Variants in PKD2L1 observed in about 807,000 individuals in gnomAD.
The protein encoded by PKD2L1 is polycystin 2 like 1, transient receptor potential cation channel, also known as polycystin-2-like protein 1.
A neutral mutation model predicts 93.0 loss-of-function variants in PKD2L1; 77 were observed. That is an observed-to-expected ratio of 0.83 (90% CI 0.69 to 1.00). The LOEUF (loss-of-function observed/expected upper bound fraction) is 1.00. PKD2L1 is among the 50% of genes least tolerant of loss of function. The pLI is 0.00. For synonymous variants in PKD2L1, 390 were observed against 388.0 expected, an observed-to-expected ratio of 1.01 and a Z score of -0.06; for missense variants, 977 against 990.9, an observed-to-expected ratio of 0.99 and a Z score of 0.19.
rs928454897 is a variant in PKD2L1, at chr10:100,299,289, C to T, written c.477+302G>A. ...TAAAACTCCTCCATTGACCAATGAA[C>T]CTTGACCAGAGTCTGACCTGAAGTG... On this transcript the variant is annotated intron_variant, in intron 3 of 15. Coordinates refer to ENST00000318222, the MANE Select transcript of PKD2L1 (RefSeq NM_016112.3). Among the ~76,000 whole-genome samples, 11 of 152,110 alleles carry T rather than the reference C, an allele frequency of 7.2e-5. No homozygotes were observed. The South Asian group carries it at 1.5e-3, about 20-fold the overall frequency.
Position 100,297,018 on chromosome 10 carries a change from T to C in PKD2L1, c.1147A>G (p.Ser383Gly), listed in dbSNP as rs1301345896. ...AGGTCCAGTATGTTCCAGATGCTGC[T>C]GAGGTAGCGAAGCCGGTGAATGTGG... is the stretch of plus-strand genomic sequence containing the variant. ...ELHIHRLRYL[S>G]SIWNILDLVV... The change falls in exon 6 of 16, where the codon AGC (serine) becomes GGC (glycine). Residue 383 changes from serine (S) to glycine (G), a missense_variant. Physicochemically the swap from Ser to Gly is moderately conservative, Grantham distance 56. Coordinates refer to ENST00000318222, the MANE Select transcript of PKD2L1 (RefSeq NM_016112.3). The C allele has an allele frequency of 1.2e-6, 2 of 1,614,012 alleles. No homozygotes were observed. Among genetic ancestry groups the C allele is most frequent in the Non-Finnish European group, 1.7e-6 (2 of 1,179,872 alleles).
rs771135325 is a variant in PKD2L1 at position 100,329,988 on chromosome 10, G to T, written c.116C>A (p.Thr39Asn). The part of the protein sequence containing the change: ...PSPHGTLRVC[T>N]ISSTGPLQPQ... The stretch of plus-strand genomic sequence containing the variant: ...CTGGAGAGGCCCCGTGCTGGAGATG[G>T]TGCAGACTCTCAGCGTCCCGTGTGG... Residue 39 changes from threonine to asparagine, a missense_variant, in exon 1 of 16, where the codon ACC (threonine) becomes AAC (asparagine). Physicochemically the swap from Thr to Asn is moderately conservative, Grantham distance 65 (BLOSUM62 0). Coordinates refer to ENST00000318222, the MANE Select transcript of PKD2L1 (RefSeq NM_016112.3). The T allele has an allele frequency of 1.2e-6, 2 of 1,613,934 alleles. No homozygotes were observed. The highest frequency in any genetic ancestry group is 2.2e-5 in the South Asian group (2 of 91,082).
rs766260232 is a variant in PKD2L1 at position 100,290,059 on chromosome 10, T to G, written c.2206A>C (p.Lys736Gln). The G allele has an allele frequency of 1.2e-6, 2 of 1,614,194 alleles. No homozygotes were observed. The highest frequency in any genetic ancestry group is 3.3e-5 in the Admixed American group (2 of 60,020). The part of the protein sequence containing the change: ...SQIDAVGSKL[K>Q]MLERKGWLAP... The stretch of plus-strand genomic sequence containing the variant: ...AGCCACCCCTTCCTCTCCAGCATTT[T>G]CAGCTTTGAGCCTACAGCATCAATC... The change falls in exon 14 of 16, where the codon AAA becomes CAA. Residue 736 changes from lysine to glutamine, a missense_variant. Lys to Gln is a moderately conservative substitution (Grantham distance 53, BLOSUM62 1). Transcript: ENST00000318222.
chr10:100,294,415 C>A (rs1047270794), intron 9 of PKD2L1, 120 bp downstream of exon 9: 2 of 1,051,120 alleles, frequency 1.9e-6, no homozygotes, highest in East Asian at 2.4e-5. Context: ...GACATCGGCC[C>A]CCCCACTCAC....
intron 4 of PKD2L1, 62 bp from the exon 5 acceptor site, chr10:100,297,668 C>T: frequency 1.7e-6 from 2 of 1,177,874 alleles, no homozygotes; most frequent in Non-Finnish European, 2.5e-6. Flanking sequence ...AATGGCAATG[C>T]TTTATCATTG....
At position 100,297,389 on chromosome 10, in the gene PKD2L1, C is replaced by T; in HGVS notation, c.949G>A (p.Val317Ile). 6.2e-7 allele frequency: 1 copy of T among 1,613,274 alleles called. No homozygotes were observed. Among genetic ancestry groups the T allele is most frequent in the Non-Finnish European group, 8.5e-7 (1 of 1,179,290 alleles). Residue 317 changes from valine to isoleucine, a missense_variant, in exon 5 of 16, where the codon GTC becomes ATC. Transcript: ENST00000318222. ...VYNANINLFC[V>I]LRLVVEFPAT... Reference sequence around the variant, plus strand: ...TAGGGAAAGGGGGCTCACCTCAGGACACAGAAAAGATTGATATTGGCATTG... The same window carrying T: ...TAGGGAAAGGGGGCTCACCTCAGGATACAGAAAAGATTGATATTGGCATTG...
At chr10:100,324,041 T>C (rs1054389714) in intron 2 of PKD2L1, among the ~76,000 whole-genome samples, 1 of 152,220 alleles carries the variant, frequency 6.6e-6, no homozygotes, top group Non-Finnish European at 1.5e-5. Context: ...TTGGCCAGGC[T>C]GGTCTCGAAC....
chr10:100,290,378 C>G (rs200622763), intron 13 of PKD2L1, 23 bp downstream of exon 13: 10 of 1,514,472 alleles, frequency 6.6e-6, no homozygotes, highest in Non-Finnish European at 9.2e-6. Flanking sequence ...AGCCCTGAAC[C>G]AGCCTTTCTT....
intron 12 of PKD2L1, 119 bp downstream of exon 12, chr10:100,291,182 G>T: frequency 9.4e-7 from 1 of 1,059,250 alleles, no homozygotes. Context: ...TACTATTCTA[G>T]AGAGTTCTTT....
chr10:100,323,660 C>T (rs1176597702), intron 2 of PKD2L1, among the ~76,000 whole-genome samples: 1 of 152,198 alleles, frequency 6.6e-6, no homozygotes, highest in Non-Finnish European at 1.5e-5. Flanking sequence ...TATCCATCAT[C>T]TCAAATGTTT....
intron 11 of PKD2L1, among the ~76,000 whole-genome samples, chr10:100,291,910 G>T (rs11190455): frequency 4.0e-5 from 6 of 151,726 alleles, no homozygotes; most frequent in Non-Finnish European, 8.8e-5. Context: ...ACCTGTCCCC[G>T]CCCCTTTATT....
intron 2 of PKD2L1, among the ~76,000 whole-genome samples, chr10:100,301,503 A>G (rs903134483): frequency 6.7e-6 from 1 of 148,990 alleles, no homozygotes; most frequent in African/African-American, 2.5e-5. Flanking sequence ...AATTATTAAT[A>G]TTCCTTACTG....
chr10:100,318,279 T>C (rs554371505), intron 2 of PKD2L1, among the ~76,000 whole-genome samples: 1 of 152,190 alleles, frequency 6.6e-6, no homozygotes, highest in Non-Finnish European at 1.5e-5. Context: ...AGTTTTCCTA[T>C]GTAATGTCTC....
rs762375438 is a variant in PKD2L1 at position 100,298,642 on chromosome 10, C to T, written c.651G>A (p.Arg217=). Reference sequence around the variant, plus strand: ...CATCATAGCAGCTCAGAATGTCCTCCCGGAAGTCTTCATGCACCACACAGG... The same window carrying T: ...CATCATAGCAGCTCAGAATGTCCTCTCGGAAGTCTTCATGCACCACACAGG... The part of the protein sequence containing the change: ...NDSCVVHEDF[R]EDILSCYDVY... The change falls in exon 4 of 16, where the codon CGG becomes CGA. Residue 217 remains arginine, a synonymous_variant. Transcript: ENST00000318222. The T allele has an allele frequency of 6.2e-7, 1 of 1,614,114 alleles. No homozygotes were observed. The highest frequency in any genetic ancestry group is 8.5e-7 in the Non-Finnish European group (1 of 1,180,006).
At chr10:100,324,822 T>C (rs1041118094) in intron 2 of PKD2L1, among the ~76,000 whole-genome samples, 3 of 152,174 alleles carry the variant, frequency 2.0e-5, no homozygotes, top group African/African-American at 4.8e-5. Context: ...TACCTAATAA[T>C]AAACACAGGT....
At chr10:100,318,279 T>A (rs554371505) in intron 2 of PKD2L1, among the ~76,000 whole-genome samples, 1 of 152,308 alleles carries the variant, frequency 6.6e-6, no homozygotes, top group East Asian at 1.9e-4. Flanking sequence ...AGTTTTCCTA[T>A]GTAATGTCTC....
Position 100,329,978 on chromosome 10 carries a change from G to A in PKD2L1, c.126C>T (p.Ser42=), listed in dbSNP as rs1177093175. The A allele has an allele frequency of 1.2e-5, 20 of 1,613,864 alleles. No homozygotes were observed. The highest frequency in any genetic ancestry group is 1.7e-5 in the Non-Finnish European group (20 of 1,179,890). Residue 42 remains serine (S), a synonymous_variant, in exon 1 of 16, where the codon AGC becomes AGT. Transcript: ENST00000318222. The part of the protein sequence containing the change: ...HGTLRVCTIS[S]TGPLQPQPKK... ...TGGGTTGGGGCTGGAGAGGCCCCGT[G>A]CTGGAGATGGTGCAGACTCTCAGCG... is the stretch of plus-strand genomic sequence containing the variant.
At chr10:100,304,080 C>A (rs778963503) in intron 2 of PKD2L1, among the ~76,000 whole-genome samples, 4 of 152,184 alleles carry the variant, frequency 2.6e-5, no homozygotes, top group African/African-American at 4.8e-5. Context: ...GGTAAAATGC[C>A]TATTGACAGG....
chr10:100,292,337 C>T (rs1589659613), intron 11 of PKD2L1, among the ~76,000 whole-genome samples: 1 of 151,908 alleles, frequency 6.6e-6, no homozygotes, highest in African/African-American at 2.4e-5. Context: ...ACCAAAAATA[C>T]AAAAATTAGC....
Sources: allele counts gnomAD v4.1 joint callset (sites outside exome capture counted in the v4.1 genomes callset), GRCh38; gene constraint gnomAD v4.1.1; transcripts MANE v1.5; gene names NCBI Gene and HGNC (gene_info 2026-07-23, HGNC 2026-07-21).